Variants in TRAPPC8 observed in about 807,000 individuals in gnomAD.
TRAPPC8 encodes the protein trafficking protein particle complex subunit 8.
Under a neutral mutation model 174.3 loss-of-function variants are expected in TRAPPC8, and 54 were observed. The observed-to-expected ratio is 0.31, with a 90% CI of 0.25 to 0.39. The LOEUF is 0.39. Among genes scored for constraint, TRAPPC8 ranks in the 10% least tolerant of loss-of-function variants. TRAPPC8 has a pLI of 1.00. For missense variants in TRAPPC8, 1,531 were observed against 1,699.1 expected (o/e 0.90, Z 1.74); for synonymous variants, 630 against 579.9 (o/e 1.09, Z -1.24).
At chr18:31,876,627 C>T (rs2035168557) in intron 12 of TRAPPC8, among the ~76,000 whole-genome samples, 2 of 151,856 alleles carry the variant, frequency 1.3e-5, no homozygotes, top group Admixed American at 1.3e-4. Context: ...GATGAAGAAC[C>T]CATGGAAAGA....
intron 21 of TRAPPC8, among the ~76,000 whole-genome samples, chr18:31,854,502 T>C (rs1245637047): frequency 6.6e-6 from 1 of 152,160 alleles, no homozygotes; most frequent in Non-Finnish European, 1.5e-5. Context: ...ATCACCAAAG[T>C]ACAGCACATT....
At chr18:31,832,022 C>T in intron 28 of TRAPPC8, 62 bp downstream of exon 28, 1 of 1,137,000 alleles carries the variant, frequency 8.8e-7, no homozygotes, top group South Asian at 1.5e-5. Flanking sequence ...TAATTATTTG[C>T]ATAATTTCAA....
chr18:31,901,849 C>T (rs1374462234), intron 9 of TRAPPC8, among the ~76,000 whole-genome samples: 1 of 152,108 alleles, frequency 6.6e-6, no homozygotes, highest in Non-Finnish European at 1.5e-5. Flanking sequence ...AGTGGGTGCA[C>T]GTATATACAA....
intron 1 of TRAPPC8, chr18:31,939,279 T>A (rs549687927): frequency 1.3e-5 from 2 of 152,288 alleles, no homozygotes; most frequent in South Asian, 4.1e-4. Context: ...GTAAAACTTG[T>A]ATCTACTTAT....
At chr18:31,839,222 T>G in intron 27 of TRAPPC8, 90 bp downstream of exon 27, 1 of 1,281,368 alleles carries the variant, frequency 7.8e-7, no homozygotes, top group Non-Finnish European at 1.1e-6. Context: ...CTCTTCAATA[T>G]TTGGGTTAAT....
At chr18:31,854,895 G>C (rs1376504862) in intron 21 of TRAPPC8, among the ~76,000 whole-genome samples, 1 of 149,548 alleles carries the variant, frequency 6.7e-6, no homozygotes, top group Admixed American at 6.7e-5. Flanking sequence ...GAACCCGGGA[G>C]GTGGAGCTTG....
chr18:31,905,752 A>G (rs1420484837), intron 9 of TRAPPC8, among the ~76,000 whole-genome samples: 1 of 152,156 alleles, frequency 6.6e-6, no homozygotes, highest in Admixed American at 6.5e-5. Context: ...AGGTGCACAT[A>G]TATCATCTAA....
chr18:31,909,701 C>A lies in TRAPPC8; in HGVS notation c.831G>T (p.Leu277Phe), dbSNP rs1253711364. The part of the protein sequence containing the change: ...ITSNKNSDNN[L>F]LSLDGLDNEV... ...CGTTATCTAATCCATCCAATGAAAGCAAGTTATTATCAGAATTCTTATTTG... is the reference window on the plus strand; with the variant it reads ...CGTTATCTAATCCATCCAATGAAAGAAAGTTATTATCAGAATTCTTATTTG... The change falls in exon 6 of 29, where the codon TTG (leucine) becomes TTT (phenylalanine). Residue 277 changes from leucine (L) to phenylalanine (F), a missense_variant. Coordinates refer to ENST00000283351, the MANE Select transcript of TRAPPC8 (RefSeq NM_014939.5). 6.2e-7 allele frequency: 1 copy of A among 1,601,030 alleles called. No individual in the cohort carries two copies. The highest frequency in any genetic ancestry group is 8.5e-7 in the Non-Finnish European group (1 of 1,176,412).
chr18:31,918,725 CAA>C (rs2145554640), intron 2 of TRAPPC8, among the ~76,000 whole-genome samples: 1 of 152,254 alleles, frequency 6.6e-6, no homozygotes, highest in South Asian at 2.1e-4. Context: ...CAAATACAAA[CAA>C]GTGTATTTTC....
Position 31,866,903 on chromosome 18 carries a change from T to C in TRAPPC8, c.2536A>G (p.Ile846Val). 1 of 1,613,740 alleles carries C rather than the reference T, an allele frequency of 6.2e-7. No homozygotes were observed. Among genetic ancestry groups the C allele is most frequent in the Non-Finnish European group, 8.5e-7 (1 of 1,179,780 alleles). The change falls in exon 18 of 29, where the codon ATT becomes GTT. Residue 846 changes from isoleucine (I) to valine (V), a missense_variant. Coordinates refer to ENST00000283351, the MANE Select transcript of TRAPPC8 (RefSeq NM_014939.5). ...CCATCTACTGTCATAGAGCCCTGAA[T>C]AGTGCCAAGATTATAAACAACTCCC... ...ILGVVYNLGT[I>V]QGSMTVDGIG... is the part of the protein sequence containing the mutation.
rs368225288 is a variant in TRAPPC8, at chr18:31,852,659, G to C, written c.3438C>G (p.Thr1146=). Residue 1146 remains threonine, a synonymous_variant, in exon 23 of 29, where the codon ACC becomes ACG. Coordinates refer to ENST00000283351, the MANE Select transcript of TRAPPC8 (RefSeq NM_014939.5). The part of the protein sequence containing the change: ...KSVNLSENKD[T]KLASREKGKF... ...TTCCCTTCTCCCTACTGGCAAGTTT[G>C]GTATCTAGGAAGAAAAAGGGAAATT... is the stretch of plus-strand genomic sequence containing the variant. The C allele has an allele frequency of 1.9e-5, 31 of 1,613,242 alleles. No individual in the cohort carries two copies. The South Asian group carries it at 3.4e-4, about 18-fold the overall frequency.
intron 19 of TRAPPC8, 90 bp from the exon 20 acceptor site, chr18:31,858,072 T>TA (rs2034128218): frequency 9.6e-6 from 10 of 1,041,272 alleles, no homozygotes; most frequent in Middle Eastern, 2.3e-4. Context: ...TTTTTTTTTT[T>TA]ACCAAAGGTT....
At chr18:31,917,391 A>G (rs998451981) in intron 3 of TRAPPC8, among the ~76,000 whole-genome samples, 187 bp downstream of exon 3, 2 of 151,526 alleles carry the variant, frequency 1.3e-5, no homozygotes, top group African/African-American at 4.9e-5. Flanking sequence ...TGATTAAAAA[A>G]TTGTTATAGC....
At chr18:31,877,891 C>G (rs1184828699) in intron 12 of TRAPPC8, among the ~76,000 whole-genome samples, 1 of 151,094 alleles carries the variant, frequency 6.6e-6, no homozygotes, top group Non-Finnish European at 1.5e-5. Flanking sequence ...CCATTGCACT[C>G]CAGCCTGGGT....
Position 31,855,667 on chromosome 18 carries a change from G to A in TRAPPC8, c.3329C>T (p.Thr1110Ile), listed in dbSNP as rs1290063210. ...NMLVFVDVEN[T>I]NTSEAGVKEF... Reference sequence around the variant, plus strand: ...AGTTTTAAACCAACTTACAGTATTGGTATTTTCCACATCCACAAAGACTAG... The same window carrying A: ...AGTTTTAAACCAACTTACAGTATTGATATTTTCCACATCCACAAAGACTAG... The change falls in exon 21 of 29, where the codon ACC (threonine) becomes ATC (isoleucine). Residue 1110 changes from threonine to isoleucine, a missense_variant. Physicochemically the swap from Thr to Ile is moderately conservative, Grantham distance 89 (BLOSUM62 -1). Transcript: ENST00000283351. 6.3e-7 allele frequency: 1 copy of A among 1,591,332 alleles called. No individual in the cohort carries two copies.
chr18:31,834,010 A>AG (rs1469660209), intron 27 of TRAPPC8, among the ~76,000 whole-genome samples: 3 of 151,154 alleles, frequency 2.0e-5, no homozygotes, highest in African/African-American at 7.3e-5. Flanking sequence ...TCAAAAAAAA[A>AG]AAACAAAAAA....
At chr18:31,908,678 C>T (rs2036769994) in intron 7 of TRAPPC8, 76 bp downstream of exon 7, 2 of 1,381,868 alleles carry the variant, frequency 1.4e-6, no homozygotes, top group Admixed American at 2.9e-5. Context: ...AACAAAACTT[C>T]AAATACGTTT....
At chr18:31,922,454 T>C (rs934545825) in intron 2 of TRAPPC8, among the ~76,000 whole-genome samples, 9 of 150,788 alleles carry the variant, frequency 6.0e-5, no homozygotes, top group Non-Finnish European at 8.9e-5. Context: ...TAGTCGGGAG[T>C]GGGACATGAG....
At position 31,857,906 on chromosome 18, in the gene TRAPPC8, C is replaced by T; in HGVS notation, c.2822G>A (p.Ser941Asn). 1 of 1,614,148 alleles carries T rather than the reference C, an allele frequency of 6.2e-7. No individual in the cohort carries two copies. Among genetic ancestry groups the T allele is most frequent in the South Asian group, 1.1e-5 (1 of 91,070 alleles). The change falls in exon 20 of 29, where the codon AGC becomes AAC. Residue 941 changes from serine to asparagine, a missense_variant. By Grantham distance (46) the Ser-to-Asn change is conservative (BLOSUM62 1). Coordinates refer to ENST00000283351, the MANE Select transcript of TRAPPC8 (RefSeq NM_014939.5). ...RKAYVEFVNVSKCPLTGLKVV... is the reference protein window; with the variant it reads ...RKAYVEFVNVNKCPLTGLKVV... ...CTTCAATCCAGTAAGTGGACATTTG[C>T]TGACATTGACAAATTCTACATATGC...
Sources: allele counts gnomAD v4.1 joint callset (sites outside exome capture counted in the v4.1 genomes callset), GRCh38; gene constraint gnomAD v4.1.1; transcripts MANE v1.5; gene names NCBI Gene and HGNC (gene_info 2026-07-23, HGNC 2026-07-21).